Variants in PGLYRP4 observed in about 807,000 individuals in gnomAD.
The protein encoded by PGLYRP4 is peptidoglycan recognition protein 4, also known as PGRP-I-beta.
In PGLYRP4, 39 loss-of-function variants were observed where a neutral mutation model predicts 41.2. That is an observed-to-expected ratio of 0.95 (90% confidence interval 0.73 to 1.24). The LOEUF (loss-of-function observed/expected upper bound fraction) is 1.24. PGLYRP4 is among the 50% of genes most tolerant of loss of function. The pLI is 0.00. For synonymous variants in PGLYRP4, 202 were observed against 186.8 expected, an observed-to-expected ratio of 1.08 and a Z score of -0.66; for missense variants, 467 against 460.7, an observed-to-expected ratio of 1.01 and a Z score of -0.13.
At chr1:153,347,138 A>G (rs199636544) in intron 2 of PGLYRP4, among the ~76,000 whole-genome samples, 3 of 151,988 alleles carry the variant, frequency 2.0e-5, no homozygotes, top group African/African-American at 7.3e-5. Context: ...CAGTGGCTCA[A>G]TCTCGGCTCA....
intron 7 of PGLYRP4, among the ~76,000 whole-genome samples, 199 bp downstream of exon 7, chr1:153,340,182 T>C (rs1240020476): frequency 6.6e-6 from 1 of 152,156 alleles, no homozygotes. Context: ...TGAGAACATG[T>C]TTGGGCAAAT....
rs770157281 is a variant in PGLYRP4, at chr1:153,340,348, G to A, written c.824+33C>T. 1.1e-5 allele frequency: 18 copies of A among 1,595,682 alleles called. No individual in the cohort carries two copies. The Admixed American group carries it at 1.5e-4, about 13-fold the overall frequency. ...AAAGGCTCAGTTTCTGCCCCCAAGG[G>A]AAAAGAAGCCCAGTGTACCCAGACC... is the stretch of plus-strand genomic sequence containing the variant. On this transcript the variant is annotated intron_variant, in intron 7 of 8. Transcript: ENST00000359650.
At chr1:153,340,084 T>G (rs1278176522) in intron 7 of PGLYRP4, among the ~76,000 whole-genome samples, 2 of 152,234 alleles carry the variant, frequency 1.3e-5, no homozygotes, top group Non-Finnish European at 2.9e-5. Flanking sequence ...TGTCACAATC[T>G]TGCATGCGTA....
chr1:153,338,657 G>T (rs1275477816), intron 7 of PGLYRP4, among the ~76,000 whole-genome samples: 1 of 151,976 alleles, frequency 6.6e-6, no homozygotes, highest in South Asian at 2.1e-4. Context: ...CCCCACAGGC[G>T]CCTCTCTCAG....
Position 153,340,473 on chromosome 1 carries a change from C to G in PGLYRP4, c.732G>C (p.Arg244Ser). 1 of 1,614,186 alleles carries G rather than the reference C, an allele frequency of 6.2e-7. No homozygotes were observed. The highest frequency in any genetic ancestry group is 1.1e-5 in the South Asian group (1 of 91,088). ...KYGIIIHTAG[R>S]TCNISDECRL... Reference sequence around the variant, plus strand: ...GGCACTCATCAGAAATGTTGCAGGTCCTCCCGGCAGTGTGGATAATGATGC... The same window carrying G: ...GGCACTCATCAGAAATGTTGCAGGTGCTCCCGGCAGTGTGGATAATGATGC... Residue 244 changes from arginine (R) to serine (S), a missense_variant, in exon 7 of 9, where the codon AGG becomes AGC. Arg to Ser is a moderately radical substitution (Grantham distance 110). Coordinates refer to ENST00000359650, the MANE Select transcript of PGLYRP4 (RefSeq NM_020393.4).
intron 4 of PGLYRP4, among the ~76,000 whole-genome samples, chr1:153,344,488 CT>C: frequency 1.3e-5 from 2 of 152,302 alleles, no homozygotes; most frequent in Non-Finnish European, 2.9e-5. Flanking sequence ...CATTCACTCC[CT>C]TTTGTCGTCA....
chr1:153,333,136 GAAAAGAT>G, intron 8 of PGLYRP4, among the ~76,000 whole-genome samples: 1 of 152,014 alleles, frequency 6.6e-6, no homozygotes, highest in South Asian at 2.1e-4. Flanking sequence ...TTGGTTATTT[GAAAAGAT>G]AAACAGAACA....
chr1:153,333,022 A>T (rs892304093), intron 8 of PGLYRP4, among the ~76,000 whole-genome samples: 1 of 152,092 alleles, frequency 6.6e-6, no homozygotes, highest in Non-Finnish European at 1.5e-5. Flanking sequence ...GAAATAATAA[A>T]GATCACAGCA....
intron 2 of PGLYRP4, 42 bp from the exon 3 acceptor site, chr1:153,346,233 C>T (rs1661005570): frequency 6.9e-7 from 1 of 1,452,144 alleles, no homozygotes; most frequent in Admixed American, 1.7e-5. Flanking sequence ...AGCACCAATA[C>T]CAGCCATCAT....
chr1:153,340,663 A>T, intron 6 of PGLYRP4, 84 bp from the exon 7 acceptor site: 1 of 1,386,844 alleles, frequency 7.2e-7, no homozygotes, highest in East Asian at 2.4e-5. Flanking sequence ...TATAATGCTC[A>T]GGACCCTCAA....
rs1261821133 is a variant in PGLYRP4 at position 153,330,958 on chromosome 1, G to A, written c.944-13C>T. ...TTGGGTGGTATACCTGCAAAACACA[G>A]CAGCCCATTGTCTACAGGATTACAG... On this transcript the variant is annotated splice_polypyrimidine_tract_variant and intron_variant, in intron 8 of 8. Coordinates refer to ENST00000359650, the MANE Select transcript of PGLYRP4 (RefSeq NM_020393.4). The A allele has an allele frequency of 1.2e-6, 2 of 1,607,482 alleles. No individual in the cohort carries two copies. The highest frequency in any genetic ancestry group is 1.7e-5 in the Admixed American group (1 of 59,672).
chr1:153,343,333 G>A, intron 4 of PGLYRP4, 125 bp from the exon 5 acceptor site: 1 of 659,084 alleles, frequency 1.5e-6, no homozygotes, highest in Non-Finnish European at 2.7e-6. Flanking sequence ...GAATTTGCAT[G>A]AACTCTTCCC....
Position 153,348,589 on chromosome 1 carries a change from T to G in PGLYRP4, c.-108A>C, listed in dbSNP as rs1661112685. On this transcript the variant is annotated 5_prime_UTR_variant, in exon 1 of 9. Coordinates refer to ENST00000359650, the MANE Select transcript of PGLYRP4 (RefSeq NM_020393.4). ...GGTCAGGGTGCAGTCAGCTTGCCCCTGATTGGCCAGCAGCTCCTTCCCTTC... is the reference window on the plus strand; with the variant it reads ...GGTCAGGGTGCAGTCAGCTTGCCCCGGATTGGCCAGCAGCTCCTTCCCTTC... 2 of 153,020 alleles carry G rather than the reference T, an allele frequency of 1.3e-5. No individual in the cohort carries two copies. Among genetic ancestry groups the G allele is most frequent in the Middle Eastern group, 3.3e-3 (1 of 300 alleles). 9.5% of individuals were successfully genotyped at this position (153,020 alleles called of 1,614,324 possible).
chr1:153,341,486 A>G (rs914900349), intron 6 of PGLYRP4, 141 bp downstream of exon 6: 2 of 737,582 alleles, frequency 2.7e-6, no homozygotes, highest in Non-Finnish European at 4.4e-6. Context: ...GCCAGCCCCA[A>G]GAGTTCAGAG....
chr1:153,335,534 A>T (rs1380031556), intron 8 of PGLYRP4, among the ~76,000 whole-genome samples: 1 of 150,218 alleles, frequency 6.7e-6, no homozygotes, highest in African/African-American at 2.5e-5. Context: ...AGACCATCCT[A>T]GCCAACATGG....
chr1:153,335,539 A>G (rs1660518703), intron 8 of PGLYRP4, among the ~76,000 whole-genome samples: 1 of 150,292 alleles, frequency 6.7e-6, no homozygotes, highest in Admixed American at 6.6e-5. Context: ...ATCCTAGCCA[A>G]CATGGTGAAA....
intron 7 of PGLYRP4, 68 bp downstream of exon 7, chr1:153,340,313 C>T: frequency 1.4e-6 from 2 of 1,403,526 alleles, no homozygotes; most frequent in Non-Finnish European, 2.0e-6. Flanking sequence ...TTCCCTTTCC[C>T]CTTCCTTTCA....
chr1:153,335,885 A>T (rs928039516), intron 8 of PGLYRP4, among the ~76,000 whole-genome samples: 9 of 152,208 alleles, frequency 5.9e-5, no homozygotes, highest in African/African-American at 1.9e-4. Flanking sequence ...CATTTGATTC[A>T]GCAATCCAAA....
chr1:153,335,360 C>T (rs1288186066), intron 8 of PGLYRP4, among the ~76,000 whole-genome samples: 6 of 152,056 alleles, frequency 3.9e-5, no homozygotes, highest in Non-Finnish European at 7.4e-5. Flanking sequence ...AAAAAGTCAG[C>T]TCATTAAAAA....
Sources: gnomAD v4.1 joint callset for allele counts (sites outside exome capture counted in the v4.1 genomes callset) on GRCh38, gnomAD v4.1.1 for gene constraint, MANE v1.5 for transcripts, NCBI Gene and HGNC (gene_info 2026-07-23, HGNC 2026-07-21) for gene names.